LRRC37A2: variants seen among roughly 807,000 people sequenced by gnomAD.
LRRC37A2 encodes the protein leucine rich repeat containing 37 member A2.
Under a neutral mutation model 68.8 loss-of-function variants are expected in LRRC37A2, and 9 were observed. The ratio of observed to expected loss-of-function variants is 0.13; its 90% CI spans 0.08 to 0.23. The LOEUF (loss-of-function observed/expected upper bound fraction) is 0.23, where lower values mean the gene tolerates loss of function less well. LRRC37A2 is among the 10% of genes least tolerant of loss of function. The pLI is 1.00. For synonymous variants in LRRC37A2, 63 were observed against 367.6 expected, an observed-to-expected ratio of 0.17 and a Z score of 9.48; for missense variants, 168 against 950.4, an observed-to-expected ratio of 0.18 and a Z score of 10.82.
downstream of LRRC37A2, among the ~76,000 whole-genome samples, chr17:46,557,983 G>A (rs1379814841): frequency 7.5e-6 from 1 of 133,450 alleles, no homozygotes; most frequent in Non-Finnish European, 1.6e-5. Flanking sequence ...AGGCCATATA[G>A]TATTGGAGAA....
At chr17:46,940,665 T>C in the LRRC37A2 span, 7 of 1,612,806 alleles carry the variant, frequency 4.3e-6, no homozygotes, top group Non-Finnish European at 5.1e-6. Context: ...CCATCATGCG[T>C]GGACTGATAG....
chr17:46,720,483 G>A, the LRRC37A2 span, among the ~76,000 whole-genome samples: 2 of 152,284 alleles, frequency 1.3e-5, no homozygotes, highest in South Asian at 4.1e-4. Context: ...ATTCCAGGAA[G>A]CTTTAGAGCT....
the LRRC37A2 span, among the ~76,000 whole-genome samples, chr17:46,972,070 A>C: frequency 7.4e-6 from 1 of 135,336 alleles, no homozygotes; most frequent in East Asian, 2.3e-4. Flanking sequence ...AATCACCCTC[A>C]GTGTTGCTGC....
the LRRC37A2 span, chr17:46,936,408 G>C: frequency 1.4e-5 from 14 of 985,258 alleles, no homozygotes; most frequent in Non-Finnish European, 1.6e-5. Context: ...CACCCACACT[G>C]ATACCAGAGG....
chr17:46,722,117 G>A, the LRRC37A2 span: 106 of 1,611,642 alleles, frequency 6.6e-5, no homozygotes, highest in Non-Finnish European at 8.6e-5. Flanking sequence ...ACTCGAACTC[G>A]TCCGGCTTCT....
the LRRC37A2 span, among the ~76,000 whole-genome samples, chr17:47,026,441 T>C: frequency 2.6e-5 from 4 of 152,316 alleles, no homozygotes; most frequent in South Asian, 2.1e-4. Flanking sequence ...TAGAACTCAG[T>C]TCTGGACTCC....
At chr17:46,544,875 C>T (rs1463570182) in intron 8 of LRRC37A2, among the ~76,000 whole-genome samples, 1 of 135,218 alleles carries the variant, frequency 7.4e-6, no homozygotes, top group Admixed American at 7.4e-5. Flanking sequence ...CACTGCATGT[C>T]ATGTCTTCAT....
chr17:46,991,086 A>G, the LRRC37A2 span, among the ~76,000 whole-genome samples: 1 of 152,154 alleles, frequency 6.6e-6, no homozygotes, highest in Non-Finnish European at 1.5e-5. Flanking sequence ...GGTTCTACAG[A>G]GGTGCTTTGC....
At chr17:46,915,680 T>C in the LRRC37A2 span, among the ~76,000 whole-genome samples, 1 of 152,258 alleles carries the variant, frequency 6.6e-6, no homozygotes, top group Admixed American at 6.5e-5. Context: ...CTTCAGTGGC[T>C]GGGATCATCC....
the LRRC37A2 span, among the ~76,000 whole-genome samples, chr17:46,804,568 G>GTGGC: frequency 2.6e-5 from 4 of 152,208 alleles, no homozygotes; most frequent in African/African-American, 9.7e-5. Flanking sequence ...AGGCAATTCT[G>GTGGC]TGGCTATAGG....
the LRRC37A2 span, among the ~76,000 whole-genome samples, chr17:46,965,593 A>G: frequency 6.7e-6 from 1 of 150,024 alleles, no homozygotes; most frequent in African/African-American, 2.5e-5. Context: ...CACCCAGGGC[A>G]CCCCTTCTGT....
At chr17:47,048,666 G>A in the LRRC37A2 span, among the ~76,000 whole-genome samples, 24 of 51,074 alleles carry the variant, frequency 4.7e-4, 1 homozygote, top group East Asian at 0.011. Context: ...CATGCCAGAT[G>A]AGGATCTATC....
At chr17:46,959,905 C>T in the LRRC37A2 span, among the ~76,000 whole-genome samples, 2 of 152,154 alleles carry the variant, frequency 1.3e-5, no homozygotes, top group Non-Finnish European at 2.9e-5. Flanking sequence ...GAGAGCTCCT[C>T]TAAAGGAATT....
the LRRC37A2 span, among the ~76,000 whole-genome samples, chr17:47,033,638 C>A: frequency 6.8e-3 from 1,042 of 152,256 alleles, 8 homozygotes; most frequent in African/African-American, 0.024. Context: ...TGATGACATG[C>A]TCCAGTCCTT....
chr17:46,755,381 C>A, the LRRC37A2 span: 1 of 1,608,850 alleles, frequency 6.2e-7, no homozygotes, highest in Non-Finnish European at 8.5e-7. Context: ...TAAGTACATA[C>A]AACATTTAAT....
chr17:46,841,619 T>C, the LRRC37A2 span, among the ~76,000 whole-genome samples: 1 of 150,984 alleles, frequency 6.6e-6, no homozygotes, highest in Non-Finnish European at 1.5e-5. Context: ...GGGGCTGCAA[T>C]GCCAGAGGAT....
At chr17:46,880,387 C>A in the LRRC37A2 span, among the ~76,000 whole-genome samples, 2 of 152,166 alleles carry the variant, frequency 1.3e-5, no homozygotes, top group African/African-American at 4.8e-5. Context: ...ATTGAGCACC[C>A]CTTATGTCCA....
chr17:46,986,426 TC>T, the LRRC37A2 span, among the ~76,000 whole-genome samples: 1 of 152,194 alleles, frequency 6.6e-6, no homozygotes, highest in African/African-American at 2.4e-5. Context: ...ATAAGGTCCT[TC>T]CTTTACAGCT....
chr17:46,479,785 G>A, the LRRC37A2 span, among the ~76,000 whole-genome samples: 3 of 102,460 alleles, frequency 2.9e-5, no homozygotes, highest in East Asian at 2.5e-4. Context: ...GGGATTACAG[G>A]TGTGAGCCAC....
Sources: gnomAD v4.1 joint callset for allele counts (sites outside exome capture counted in the v4.1 genomes callset) on GRCh38, gnomAD v4.1.1 for gene constraint, MANE v1.5 for transcripts, NCBI Gene and HGNC (gene_info 2026-07-23, HGNC 2026-07-21) for gene names.